The following AAGAB variants were observed in gnomAD, a reference collection of about 807,000 sequenced individuals.
AAGAB encodes the protein alpha- and gamma-adaptin-binding protein p34.
AAGAB carries 38 observed loss-of-function variants against 44.1 expected under a neutral mutation model. The observed-to-expected ratio is 0.86, with a 90% CI of 0.67 to 1.13. AAGAB has a LOEUF of 1.13. Ranked by LOEUF, AAGAB falls within the 50% of genes most tolerant of loss-of-function variation. AAGAB has a pLI of 0.00. For missense variants in AAGAB, 450 were observed against 373.8 expected (o/e 1.20, Z -1.68); for synonymous variants, 131 against 131.8 (o/e 0.99, Z 0.04).
At chr15:67,211,301 A>ATT (rs1963814119) in intron 5 of AAGAB, among the ~76,000 whole-genome samples, 1 of 152,188 alleles carries the variant, frequency 6.6e-6, no homozygotes, top group Non-Finnish European at 1.5e-5. Context: ...CAGTGGCAGC[A>ATT]TGGTCAGAGG....
chr15:67,224,585 CT>C (rs892410820), intron 5 of AAGAB, among the ~76,000 whole-genome samples: 1,645 of 138,790 alleles, frequency 0.012, 16 homozygotes, highest in African/African-American at 0.035. Context: ...TTTTTCTTTT[CT>C]TTTTTTTTTT....
intron 1 of AAGAB, among the ~76,000 whole-genome samples, chr15:67,241,823 G>T (rs1401958974): frequency 6.6e-6 from 1 of 152,182 alleles, no homozygotes; most frequent in Non-Finnish European, 1.5e-5. Context: ...GGTTACAGAT[G>T]CACTGAGGAG....
intron 1 of AAGAB, among the ~76,000 whole-genome samples, chr15:67,249,506 A>G (rs1334287165): frequency 6.6e-6 from 1 of 152,226 alleles, no homozygotes; most frequent in Admixed American, 6.5e-5. Context: ...AGGTATGCAT[A>G]ATGCTCTTTT....
chr15:67,217,022 G>T (rs1235334210), intron 5 of AAGAB, among the ~76,000 whole-genome samples: 2 of 151,474 alleles, frequency 1.3e-5, no homozygotes, highest in Non-Finnish European at 2.9e-5. Context: ...TCTCTTACAA[G>T]ACAATCTCCT....
intron 5 of AAGAB, among the ~76,000 whole-genome samples, chr15:67,224,401 TAAG>T (rs1379931543): frequency 2.0e-5 from 3 of 152,074 alleles, no homozygotes; most frequent in Non-Finnish European, 2.9e-5. Context: ...TTTCAGATCT[TAAG>T]AAGGACTGTC....
Position 67,241,178 on chromosome 15 carries a change from T to C in AAGAB, c.74-4358A>G, listed in dbSNP as rs1430747069. ...CATTCTAAACTAGGCATGTTGATAC[T>C]GTTATGGATTTTTTGTGTCTCCTTC... On this transcript the variant is annotated intron_variant, in intron 1 of 9. Coordinates refer to ENST00000261880, the MANE Select transcript of AAGAB (RefSeq NM_024666.5). Among the ~76,000 whole-genome samples the C allele has an allele frequency of 2.0e-5, 3 of 152,166 alleles. No individual in the cohort carries two copies. The East Asian group carries it at 5.8e-4, about 29-fold the overall frequency.
At position 67,244,011 on chromosome 15, in the gene AAGAB, G is replaced by A. The variant is rs190653449; in HGVS notation, c.74-7191C>T. On this transcript the variant is annotated intron_variant, in intron 1 of 9. Coordinates refer to ENST00000261880, the MANE Select transcript of AAGAB (RefSeq NM_024666.5). ...TAAAAATAATTTTCATATTCAAATG[G>A]TAATTTTTCATAAACAAATTAGCAT... Among the ~76,000 whole-genome samples, 108 of 152,144 alleles carry A rather than the reference G, an allele frequency of 7.1e-4. 1 individual carries two copies. Among genetic ancestry groups the A allele is most frequent in the Admixed American group, 4.4e-3 (67 of 15,284 alleles).
chr15:67,235,403 C>T (rs1466916461), intron 4 of AAGAB, among the ~76,000 whole-genome samples: 1 of 151,572 alleles, frequency 6.6e-6, no homozygotes, highest in Non-Finnish European at 1.5e-5. Context: ...AGGTGTACTT[C>T]AAAGGAGAAA....
intron 1 of AAGAB, among the ~76,000 whole-genome samples, chr15:67,250,467 A>G (rs939570250): frequency 4.6e-5 from 7 of 152,114 alleles, no homozygotes; most frequent in Non-Finnish European, 8.8e-5. Context: ...GTGAGCCACC[A>G]TGCCTGGCAC....
At chr15:67,246,260 A>C (rs1964718262) in intron 1 of AAGAB, among the ~76,000 whole-genome samples, 1 of 152,058 alleles carries the variant, frequency 6.6e-6, no homozygotes, top group Non-Finnish European at 1.5e-5. Context: ...ATGAGCCTGT[A>C]GTCCCAGCTA....
At chr15:67,242,437 A>C (rs1964624975) in intron 1 of AAGAB, among the ~76,000 whole-genome samples, 1 of 1,238 alleles carries the variant, frequency 8.1e-4, no homozygotes. Flanking sequence ...CTCAAAAAAA[A>C]AAAAAAAAAA....
At chr15:67,238,698 A>ATTTTTT (rs35660168) in intron 1 of AAGAB, among the ~76,000 whole-genome samples, 10 of 145,554 alleles carry the variant, frequency 6.9e-5, no homozygotes, top group South Asian at 6.5e-4. Flanking sequence ...ATCAGTCTTA[A>ATTTTTT]TTTTTTTTTT....
At chr15:67,254,982 C>G (rs756208281), upstream of AAGAB, 2 of 1,599,454 alleles carry the variant, frequency 1.3e-6, no homozygotes, top group South Asian at 2.2e-5. Context: ...CTGCCCTGCC[C>G]AGCCGCGCCA....
chr15:67,247,461 C>G (rs963924773), intron 1 of AAGAB, among the ~76,000 whole-genome samples: 2 of 152,140 alleles, frequency 1.3e-5, no homozygotes, highest in Non-Finnish European at 2.9e-5. Flanking sequence ...AAAAACAAAG[C>G]AGTTAAATGG....
intron 5 of AAGAB, among the ~76,000 whole-genome samples, chr15:67,216,442 GAAAAAAAAAAAAA>G (rs60381455): frequency 5.9e-4 from 31 of 52,158 alleles, no homozygotes; most frequent in Admixed American, 1.7e-3. Flanking sequence ...ACTCACTCTT[GAAAAAAAAAAAAA>G]AAAAAAAAAA....
At chr15:67,220,735 C>T (rs956582038) in intron 5 of AAGAB, among the ~76,000 whole-genome samples, 3 of 152,076 alleles carry the variant, frequency 2.0e-5, no homozygotes, top group African/African-American at 4.8e-5. Context: ...TAGATAAATA[C>T]TGGGAAGAAA....
At chr15:67,231,929 A>T (rs373768307) in intron 4 of AAGAB, 32 bp from the exon 5 acceptor site, 3 of 1,536,616 alleles carry the variant, frequency 2.0e-6, no homozygotes, top group Non-Finnish European at 2.7e-6. Flanking sequence ...ATATATTTAT[A>T]TGCAACACTC....
At position 67,208,678 on chromosome 15, in the gene AAGAB, T is replaced by G; in HGVS notation, c.619-20A>C. 6.3e-7 allele frequency: 1 copy of G among 1,598,882 alleles called. No individual in the cohort carries two copies. Among genetic ancestry groups the G allele is most frequent in the Non-Finnish European group, 8.6e-7 (1 of 1,166,632 alleles). Reference sequence around the variant, plus strand: ...GGGTTGCTGTTGAGGAAAATACACATAAGCAACAATTTAATCGTAGTCTAT... The same window carrying G: ...GGGTTGCTGTTGAGGAAAATACACAGAAGCAACAATTTAATCGTAGTCTAT... On this transcript the variant is annotated intron_variant, in intron 6 of 9. Coordinates refer to ENST00000261880, the MANE Select transcript of AAGAB (RefSeq NM_024666.5).
chr15:67,227,109 CTG>C (rs1466482288), intron 5 of AAGAB, among the ~76,000 whole-genome samples: 1 of 152,168 alleles, frequency 6.6e-6, no homozygotes, highest in Non-Finnish European at 1.5e-5. Context: ...TTTTCTGCAA[CTG>C]TACAAAATTA....
Sources: allele counts gnomAD v4.1 joint callset (sites outside exome capture counted in the v4.1 genomes callset), GRCh38; gene constraint gnomAD v4.1.1; transcripts MANE v1.5; gene names NCBI Gene and HGNC (gene_info 2026-07-23, HGNC 2026-07-21).